ENTREP2: variants seen among roughly 807,000 people sequenced by gnomAD.
The protein encoded by ENTREP2 is protein ENTREP2.
At chr15:29,160,853 G>T in the ENTREP2 span, among the ~76,000 whole-genome samples, 5 of 151,960 alleles carry the variant, frequency 3.3e-5, no homozygotes, top group South Asian at 2.1e-4. Flanking sequence ...TAGGAGAGAG[G>T]TCTCATGGGA....
chr15:29,634,885 G>A, the ENTREP2 span, among the ~76,000 whole-genome samples: 3 of 152,166 alleles, frequency 2.0e-5, no homozygotes, highest in Non-Finnish European at 2.9e-5. Flanking sequence ...GAGGGAGCAC[G>A]AAGCTTCTAC....
At chr15:29,466,672 C>T in the ENTREP2 span, among the ~76,000 whole-genome samples, 13 of 122,988 alleles carry the variant, frequency 1.1e-4, no homozygotes, top group Middle Eastern at 6.6e-3. Flanking sequence ...TGCTGCAGCC[C>T]CCAGGGGAGG....
chr15:29,278,479 G>C, the ENTREP2 span, among the ~76,000 whole-genome samples: 1 of 152,206 alleles, frequency 6.6e-6, no homozygotes, highest in African/African-American at 2.4e-5. Context: ...GCTAACTGCT[G>C]CCAGGCTTCA....
chr15:29,595,089 AAAAAAAAAT>A, the ENTREP2 span, among the ~76,000 whole-genome samples: 12 of 105,984 alleles, frequency 1.1e-4, no homozygotes, highest in South Asian at 1.9e-3. Context: ...AAAAAAAAAA[AAAAAAAAAT>A]TTAAAATTAG....
At chr15:29,608,364 G>A in the ENTREP2 span, among the ~76,000 whole-genome samples, 1 of 151,816 alleles carries the variant, frequency 6.6e-6, no homozygotes, top group South Asian at 2.1e-4. Context: ...TTCCCCCAAT[G>A]CAGATGGAAA....
chr15:29,160,239 G>A, the ENTREP2 span, among the ~76,000 whole-genome samples: 1 of 152,206 alleles, frequency 6.6e-6, no homozygotes, highest in East Asian at 1.9e-4. Context: ...GCGCAGCCCC[G>A]GTTCCCGCCC....
At chr15:29,422,042 T>C in the ENTREP2 span, among the ~76,000 whole-genome samples, 4 of 151,974 alleles carry the variant, frequency 2.6e-5, no homozygotes, top group Non-Finnish European at 4.4e-5. Context: ...CCGAAGCAGG[T>C]GGATCACCTG....
the ENTREP2 span, among the ~76,000 whole-genome samples, chr15:29,499,999 A>C: frequency 1.3e-5 from 2 of 152,198 alleles, no homozygotes; most frequent in Non-Finnish European, 2.9e-5. Flanking sequence ...GCTACTAAAA[A>C]CAAAGCAGCA....
chr15:29,146,221 A>T, the ENTREP2 span, among the ~76,000 whole-genome samples: 1 of 152,226 alleles, frequency 6.6e-6, no homozygotes, highest in Non-Finnish European at 1.5e-5. Context: ...TGTTAAGATG[A>T]CAATATTCCT....
At chr15:29,362,367 CTTTTTTTT>C in the ENTREP2 span, among the ~76,000 whole-genome samples, 9 of 91,498 alleles carry the variant, frequency 9.8e-5, no homozygotes, top group Non-Finnish European at 1.6e-4. Context: ...TGTTTTTAAT[CTTTTTTTT>C]TTTTTTTTTT....
At chr15:29,310,633 G>A in the ENTREP2 span, among the ~76,000 whole-genome samples, 7 of 152,306 alleles carry the variant, frequency 4.6e-5, no homozygotes, top group South Asian at 2.1e-4. Context: ...AGAATTGTCC[G>A]GGCCAAGCCC....
At chr15:29,594,676 G>T in the ENTREP2 span, among the ~76,000 whole-genome samples, 3 of 152,018 alleles carry the variant, frequency 2.0e-5, no homozygotes, top group African/African-American at 7.3e-5. Flanking sequence ...ATAAACTTTT[G>T]TGGGGGCTGG....
At chr15:29,584,346 A>T in the ENTREP2 span, among the ~76,000 whole-genome samples, 1 of 152,206 alleles carries the variant, frequency 6.6e-6, no homozygotes, top group Non-Finnish European at 1.5e-5. Context: ...TCTGCACTTC[A>T]TCTTCATTGC....
the ENTREP2 span, among the ~76,000 whole-genome samples, chr15:29,458,855 T>C: frequency 6.6e-6 from 1 of 152,186 alleles, no homozygotes; most frequent in Non-Finnish European, 1.5e-5. Flanking sequence ...GGGTAGTATT[T>C]TTTCCACAGA....
chr15:29,322,209 T>C, the ENTREP2 span, among the ~76,000 whole-genome samples: 1 of 152,216 alleles, frequency 6.6e-6, no homozygotes, highest in Non-Finnish European at 1.5e-5. Flanking sequence ...GAAATACGCA[T>C]ACATTGTTGA....
At chr15:29,635,308 T>C in the ENTREP2 span, among the ~76,000 whole-genome samples, 4 of 152,158 alleles carry the variant, frequency 2.6e-5, no homozygotes, top group Non-Finnish European at 5.9e-5. Flanking sequence ...CAGCCAGCAG[T>C]CAGTTCATTC....
the ENTREP2 span, among the ~76,000 whole-genome samples, chr15:29,537,368 T>A: frequency 6.6e-6 from 1 of 152,180 alleles, no homozygotes; most frequent in South Asian, 2.1e-4. Context: ...GTTATCCTTA[T>A]ATATACAACC....
At chr15:29,127,765 C>T in the ENTREP2 span, among the ~76,000 whole-genome samples, 135 of 152,264 alleles carry the variant, frequency 8.9e-4, no homozygotes, top group African/African-American at 3.0e-3. Context: ...TTTCCACCTG[C>T]CCTGAGATGG....
chr15:29,621,872 CCA>C, the ENTREP2 span, among the ~76,000 whole-genome samples: 2 of 152,194 alleles, frequency 1.3e-5, no homozygotes, highest in African/African-American at 4.8e-5. Flanking sequence ...AAGCATCCAT[CCA>C]CAGACAAGTA....
Sources: gnomAD v4.1 joint callset for allele counts (sites outside exome capture counted in the v4.1 genomes callset) on GRCh38, gnomAD v4.1.1 for gene constraint, MANE v1.5 for transcripts, NCBI Gene and HGNC (gene_info 2026-07-23, HGNC 2026-07-21) for gene names.